Variants in TMEM33 observed in about 807,000 individuals in gnomAD.
TMEM33 encodes transmembrane protein 33.
TMEM33 carries 16 observed loss-of-function variants against 29.7 expected under a neutral mutation model. The ratio of observed to expected loss-of-function variants is 0.54; its 90% CI spans 0.36 to 0.82. The LOEUF is 0.82. Ranked by LOEUF, TMEM33 falls within the 40% of genes least tolerant of loss-of-function variation. The probability of loss-of-function intolerance (pLI) is 0.00; values close to 1 mark genes in which losing one functional copy is unlikely to be tolerated. For missense variants in TMEM33, 252 were observed against 295.3 expected, an observed-to-expected ratio of 0.85 and a Z score of 1.08; for synonymous variants, 112 against 109.4, an observed-to-expected ratio of 1.02 and a Z score of -0.15.
At chr4:41,949,249 TA>T in intron 5 of TMEM33, 52 bp from the exon 6 acceptor site, 2 of 1,271,932 alleles carry the variant, frequency 1.6e-6, no homozygotes, top group Admixed American at 4.0e-5. Context: ...GTTTTGAGAG[TA>T]TACACATGAA....
At position 41,938,649 on chromosome 4, in the gene TMEM33, C is replaced by T; in HGVS notation, c.93C>T (p.Arg31=). 2.5e-6 allele frequency: 4 copies of T among 1,614,114 alleles called. No individual in the cohort carries two copies. Among genetic ancestry groups the T allele is most frequent in the Non-Finnish European group, 3.4e-6 (4 of 1,180,008 alleles). The change falls in exon 2 of 7, where the codon CGC becomes CGT. Residue 31 remains arginine, a synonymous_variant. Transcript: ENST00000504986. The stretch of plus-strand genomic sequence containing the variant: ...TGGACACGGCAATGTGGCTTTCTCG[C>T]TTGTTCACAGTTTACTGCTCTGCTC... The part of the protein sequence containing the change: ...NKLDTAMWLS[R]LFTVYCSALF...
intron 5 of TMEM33, among the ~76,000 whole-genome samples, chr4:41,949,087 A>G (rs1033373192): frequency 7.2e-5 from 11 of 152,160 alleles, no homozygotes; most frequent in Admixed American, 1.3e-4. Context: ...GAATACATTT[A>G]TAAAAAAATT....
At chr4:41,935,157 C>A, upstream of TMEM33, 2 of 455,404 alleles carry the variant, frequency 4.4e-6, no homozygotes, top group South Asian at 2.3e-5. Context: ...TCGGCAATAA[C>A]CTGGAGCCGG....
rs1321318753 is a variant in TMEM33, at chr4:41,955,490, A to G, written c.*1291A>G. 1 of 152,622 alleles carries G rather than the reference A, an allele frequency of 6.6e-6. No homozygotes were observed. Among genetic ancestry groups the G allele is most frequent in the Non-Finnish European group, 1.5e-5 (1 of 68,044 alleles). 9.5% of individuals were successfully genotyped at this position (152,622 alleles called of 1,614,324 possible). Reference sequence around the variant, plus strand: ...GAGAAATGTAATGGTTTTTGTGACCAGTTTCTGTCTGCATGTAATTTGGAT... The same window carrying G: ...GAGAAATGTAATGGTTTTTGTGACCGGTTTCTGTCTGCATGTAATTTGGAT... On this transcript the variant is annotated 3_prime_UTR_variant, in exon 7 of 7. Coordinates refer to ENST00000504986, the MANE Select transcript of TMEM33 (RefSeq NM_018126.3).
chr4:41,942,247 G>T (rs1364771501), intron 3 of TMEM33, among the ~76,000 whole-genome samples: 1 of 152,176 alleles, frequency 6.6e-6, no homozygotes, highest in Non-Finnish European at 1.5e-5. Flanking sequence ...AGTAGTCTAT[G>T]ATTCATTAAA....
chr4:41,953,937 C>G (rs1713150432), intron 6 of TMEM33, 133 bp from the exon 7 acceptor site: 2 of 1,079,178 alleles, frequency 1.9e-6, no homozygotes, highest in African/African-American at 3.1e-5. Context: ...CACTGATAGT[C>G]TTGCTGTATG....
chr4:41,957,194 T>C lies in TMEM33; in HGVS notation c.*2995T>C, dbSNP rs1713307243. On this transcript the variant is annotated 3_prime_UTR_variant, in exon 7 of 7. Coordinates refer to ENST00000504986, the MANE Select transcript of TMEM33 (RefSeq NM_018126.3). ...TTAGCAAGGATTCTCTGTCCTTTTG[T>C]ATAGTTGGTACCTTACTAATTTAAA... 6.6e-6 allele frequency: 1 copy of C among 152,050 alleles called. No individual in the cohort carries two copies. The highest frequency in any genetic ancestry group is 2.4e-5 in the African/African-American group (1 of 41,408). 9.4% of individuals were successfully genotyped at this position (152,050 alleles called of 1,614,324 possible). A position where few individuals can be genotyped will look rare whatever the true frequency, so the allele number is the denominator to read the frequency against.
At chr4:41,945,738 A>C (rs760864037) in intron 5 of TMEM33, among the ~76,000 whole-genome samples, 8 of 152,158 alleles carry the variant, frequency 5.3e-5, no homozygotes, top group Non-Finnish European at 1.2e-4. Flanking sequence ...TGGGAGGCCA[A>C]AGTGGGCAGA....
At chr4:41,940,137 C>T (rs763666742) in intron 3 of TMEM33, among the ~76,000 whole-genome samples, 4 of 137,442 alleles carry the variant, frequency 2.9e-5, no homozygotes, top group African/African-American at 5.5e-5. Flanking sequence ...GGATTATAGG[C>T]GTGAGCCATC....
chr4:41,938,768 G>A, intron 2 of TMEM33, 72 bp downstream of exon 2: 3 of 1,427,716 alleles, frequency 2.1e-6, no homozygotes, highest in African/African-American at 1.4e-5. Context: ...CCTTTTAGGT[G>A]TAAGACTTAT....
In TMEM33 at chr4:41,956,484, A is replaced by G. The variant is rs1713282829; in HGVS notation, c.*2285A>G. On this transcript the variant is annotated 3_prime_UTR_variant, in exon 7 of 7. Coordinates refer to ENST00000504986, the MANE Select transcript of TMEM33 (RefSeq NM_018126.3). ...TATTTTCCTTTTGTGTGCTCTGTTT[A>G]TACCATGATCCATGATTTTTTTAAA... 6.6e-6 allele frequency: 1 copy of G among 151,938 alleles called. No homozygotes were observed. The highest frequency in any genetic ancestry group is 2.1e-4 in the South Asian group (1 of 4,816). The allele number at this position is 151,938 out of a possible 1,614,324, so 9.4% of individuals were successfully genotyped here. A position where few individuals can be genotyped will look rare whatever the true frequency, so the allele number is the denominator to read the frequency against.
Position 41,957,506 on chromosome 4 carries a change from T to G in TMEM33, c.*3307T>G, listed in dbSNP as rs535292605. On this transcript the variant is annotated 3_prime_UTR_variant, in exon 7 of 7. Transcript: ENST00000504986. Reference sequence around the variant, plus strand: ...AAAAATCCAGATCAAAACTTCAGGTTAGGTTTCTAAGTTTAGGACATGAAT... The same window carrying G: ...AAAAATCCAGATCAAAACTTCAGGTGAGGTTTCTAAGTTTAGGACATGAAT... 15 of 152,142 alleles carry G rather than the reference T, an allele frequency of 9.9e-5. No homozygotes were observed. Among genetic ancestry groups the G allele is most frequent in the African/African-American group, 3.6e-4 (15 of 41,544 alleles). 9.4% of individuals were successfully genotyped at this position (152,142 alleles called of 1,614,324 possible).
intron 5 of TMEM33, among the ~76,000 whole-genome samples, chr4:41,947,001 G>A (rs1310512328): frequency 2.0e-5 from 3 of 152,134 alleles, no homozygotes; most frequent in South Asian, 2.1e-4. Flanking sequence ...ACTTTGGGAA[G>A]CCAAAGCTGG....
chr4:41,945,973 C>CAAAA (rs35896467), intron 5 of TMEM33, among the ~76,000 whole-genome samples: 5 of 75,978 alleles, frequency 6.6e-5, no homozygotes, highest in African/African-American at 9.4e-5. Flanking sequence ...TCTGTCTCAC[C>CAAAA]AAAAAAAAAA....
chr4:41,940,046 C>CTTTTTTTTTTTT (rs71650953), intron 3 of TMEM33, among the ~76,000 whole-genome samples: 10 of 81,366 alleles, frequency 1.2e-4, no homozygotes, highest in African/African-American at 5.6e-4. Context: ...GTTAAACTTT[C>CTTTTTTTTTTTT]TTTTTTTTTT....
chr4:41,943,382 G>A (rs1226497133), intron 3 of TMEM33, among the ~76,000 whole-genome samples: 2 of 152,060 alleles, frequency 1.3e-5, no homozygotes, highest in Non-Finnish European at 2.9e-5. Context: ...AAAATTAGCT[G>A]GGCGTGGTGG....
At chr4:41,939,507 T>TG in intron 3 of TMEM33, 124 bp downstream of exon 3, 3 of 980,018 alleles carry the variant, frequency 3.1e-6, no homozygotes. Context: ...TTCATTTGAA[T>TG]GAAGATATGT....
Position 41,960,070 on chromosome 4 carries a change from G to A in TMEM33, c.*5871G>A, listed in dbSNP as rs1041741976. The stretch of plus-strand genomic sequence containing the variant: ...AAGACCAAAGCACATAAATGCTAAT[G>A]TAGGGCTCAGAGGGGAAATACAGTT... On this transcript the variant is annotated 3_prime_UTR_variant, in exon 7 of 7. Transcript: ENST00000504986. 4 of 152,150 alleles carry A rather than the reference G, an allele frequency of 2.6e-5. No individual in the cohort carries two copies. Among genetic ancestry groups the A allele is most frequent in the Non-Finnish European group, 4.4e-5 (3 of 68,006 alleles). 9.4% of individuals were successfully genotyped at this position (152,150 alleles called of 1,614,324 possible). A position where few individuals can be genotyped will look rare whatever the true frequency, so the allele number is the denominator to read the frequency against.
In TMEM33 at chr4:41,939,262, G is replaced by A. The variant is rs370328683; in HGVS notation, c.207G>A (p.Arg69=). The part of the protein sequence containing the change: ...LLANALTSAL[R]LHQRLPHFQL... ...CAAATGCTCTTACCAGTGCTCTGAG[G>A]CTGCATCAAAGATTACCACACTTCC... is the stretch of plus-strand genomic sequence containing the variant. The change falls in exon 3 of 7, where the codon AGG becomes AGA. Residue 69 remains arginine (R), a synonymous_variant. Coordinates refer to ENST00000504986, the MANE Select transcript of TMEM33 (RefSeq NM_018126.3). 8 of 1,613,274 alleles carry A rather than the reference G, an allele frequency of 5.0e-6. No homozygotes were observed. The highest frequency in any genetic ancestry group is 4.0e-5 in the African/African-American group (3 of 74,964).
Sources: gnomAD v4.1 joint callset for allele counts (sites outside exome capture counted in the v4.1 genomes callset) on GRCh38, gnomAD v4.1.1 for gene constraint, MANE v1.5 for transcripts, NCBI Gene and HGNC (gene_info 2026-07-23, HGNC 2026-07-21) for gene names.